ADAR: variants seen among roughly 807,000 people sequenced by gnomAD.
ADAR encodes double-stranded RNA-specific adenosine deaminase.
In ADAR, 41 loss-of-function variants were observed where a neutral mutation model predicts 113.2. The observed-to-expected ratio is 0.36, with a 90% CI of 0.28 to 0.47. The LOEUF (loss-of-function observed/expected upper bound fraction) is 0.47. Among genes scored for constraint, ADAR ranks in the 20% least tolerant of loss-of-function variants. The pLI, the probability that ADAR is intolerant of heterozygous loss-of-function variation, is 1.00. For synonymous variants in ADAR, 605 were observed against 572.6 expected (o/e 1.06, Z -0.81); for missense variants, 1,242 against 1,540.9 (o/e 0.81, Z 3.25).
At chr1:154,611,460 A>C (rs918705360), upstream of ADAR, among the ~76,000 whole-genome samples, 1 of 151,944 alleles carries the variant, frequency 6.6e-6, no homozygotes, top group Middle Eastern at 3.2e-3. Context: ...TGAGGTGATG[A>C]TGTCTTTTTT....
chr1:154,617,369 T>C (rs1289803717), intron 1 of ADAR, among the ~76,000 whole-genome samples: 2 of 152,194 alleles, frequency 1.3e-5, no homozygotes, highest in Non-Finnish European at 2.9e-5. Context: ...GTCTAGATTC[T>C]TACTTTAACA....
chr1:154,592,587 C>G (rs557901291), intron 6 of ADAR, among the ~76,000 whole-genome samples: 69 of 152,012 alleles, frequency 4.5e-4, no homozygotes, highest in African/African-American at 1.6e-3. Context: ...ACCAATAGGA[C>G]TTAAGGATGA....
At chr1:154,605,174 C>T (rs184259395) in intron 1 of ADAR, among the ~76,000 whole-genome samples, 1 of 152,290 alleles carries the variant, frequency 6.6e-6, no homozygotes, top group Non-Finnish European at 1.5e-5. Context: ...TCTTCCAGTT[C>T]CAGCCCCTCA....
At position 154,596,033 on chromosome 1, in the gene ADAR, C is replaced by T. The variant is rs565257028; in HGVS notation, c.2270+772G>A. On this transcript the variant is annotated intron_variant, in intron 6 of 14. Coordinates refer to ENST00000368474, the MANE Select transcript of ADAR (RefSeq NM_001111.5). ...GGTTTGTAGCCTAGGAGCAACCGGC[C>T]ATACCATACAGCCTGTACGTGTGTA... 8.5e-5 allele frequency among the ~76,000 whole-genome samples: 13 copies of T among 152,286 alleles called. No homozygotes were observed. The South Asian group carries it at 2.1e-3, about 24-fold the overall frequency.
chr1:154,608,232 TG>T, upstream of ADAR: 6 of 552,046 alleles, frequency 1.1e-5, no homozygotes, highest in South Asian at 1.5e-4. Context: ...CCGGAAAGTT[TG>T]GCCAAGAGGA....
chr1:154,601,909 A>G lies in ADAR; in HGVS notation c.733T>C (p.Phe245Leu). The change falls in exon 2 of 15, where the codon TTT (phenylalanine) becomes CTT (leucine). Residue 245 changes from phenylalanine to leucine, a missense_variant. By Grantham distance (22) the Phe-to-Leu change is conservative (BLOSUM62 0). Around this residue, in one of 2 missense-constraint regions of ADAR, gnomAD observed 462 missense variants for 483.1 expected, o/e 0.96. Coordinates refer to ENST00000368474, the MANE Select transcript of ADAR (RefSeq NM_001111.5). This position sits in a 1 kb window ranked among gnomAD's most constrained non-coding sequence, Gnocchi z 4.7. ...TSVSEDLLEP[F>L]IAVSAQAWNQ... ...CAAGCCTGAGCTGAGACTGCAATAA[A>G]AGGCTCAAGAAGATCTTCTGAGACA... The G allele has an allele frequency of 5.6e-6, 9 of 1,611,790 alleles. No homozygotes were observed. Among genetic ancestry groups the G allele is most frequent in the Non-Finnish European group, 7.6e-6 (9 of 1,179,464 alleles).
At position 154,582,826 on chromosome 1, in the gene ADAR, C is replaced by T. The variant is rs2101545856; in HGVS notation, c.*1980G>A. 6.6e-6 allele frequency: 1 copy of T among 152,346 alleles called. No individual in the cohort carries two copies. The highest frequency in any genetic ancestry group is 3.4e-3 in the Middle Eastern group (1 of 294). 9.4% of individuals were successfully genotyped at this position (152,346 alleles called of 1,614,324 possible). ...ACCTCTCTGCCCTGGATGTGGGTGC[C>T]AAGACTGATTTACTGTGCCCCCAGC... is the stretch of plus-strand genomic sequence containing the variant. On this transcript the variant is annotated 3_prime_UTR_variant, in exon 15 of 15. Coordinates refer to ENST00000368474, the MANE Select transcript of ADAR (RefSeq NM_001111.5).
chr1:154,588,744 C>A, intron 9 of ADAR, 71 bp from the exon 10 acceptor site: 2 of 1,595,598 alleles, frequency 1.3e-6, no homozygotes, highest in Non-Finnish European at 1.7e-6. Context: ...ATAATCTGAC[C>A]TCCAAATGAG....
chr1:154,606,593 ATCTTTCTT>A (rs1465092687), intron 1 of ADAR, among the ~76,000 whole-genome samples: 4 of 152,148 alleles, frequency 2.6e-5, no homozygotes, highest in Non-Finnish European at 4.4e-5. Context: ...GAGATTATTA[ATCTTTCTT>A]TTTGCCCCCC....
At position 154,589,384 on chromosome 1, in the gene ADAR, C is replaced by G. The variant is rs754785131; in HGVS notation, c.2747G>C (p.Arg916Pro). Reference sequence around the variant, plus strand: ...CCTCGCTCACCTGATGAAGCCTCTCCGGGAGATTATTTCTGCATGGCAGTC... The same window carrying G: ...CCTCGCTCACCTGATGAAGCCTCTCGGGGAGATTATTTCTGCATGGCAGTC... ...VNDCHAEIIS[R>P]RGFIRFLYSE... is the part of the protein sequence containing the mutation. Residue 916 changes from arginine to proline, a missense_variant, in exon 9 of 15, where the codon CGG becomes CCG. Physicochemically the swap from Arg to Pro is moderately radical, Grantham distance 103. This residue lies in a region of ADAR where 780 missense variants were observed against 1,057.9 expected (regional missense o/e 0.74). Coordinates refer to ENST00000368474, the MANE Select transcript of ADAR (RefSeq NM_001111.5). 1 of 1,614,146 alleles carries G rather than the reference C, an allele frequency of 6.2e-7. No homozygotes were observed. Among genetic ancestry groups the G allele is most frequent in the Non-Finnish European group, 8.5e-7 (1 of 1,180,000 alleles).
At chr1:154,614,480 C>A (rs1048887156) in intron 1 of ADAR, among the ~76,000 whole-genome samples, 2 of 152,242 alleles carry the variant, frequency 1.3e-5, no homozygotes, top group African/African-American at 2.4e-5. Context: ...CCCCTATCTC[C>A]ATGGCTTGTA....
chr1:154,590,140 G>GGCGC, intron 7 of ADAR, 44 bp downstream of exon 7: 1 of 1,373,188 alleles, frequency 7.3e-7, no homozygotes, highest in Non-Finnish European at 1.0e-6. Flanking sequence ...GAGTTAGGAG[G>GGCGC]ACCCCCCCGC....
chr1:154,599,999 C>G (rs1697758279), intron 2 of ADAR, among the ~76,000 whole-genome samples: 1 of 152,080 alleles, frequency 6.6e-6, no homozygotes, highest in Admixed American at 6.6e-5. Context: ...CAACCCACCC[C>G]CACTGTGTAT....
At chr1:154,598,325 G>C in intron 3 of ADAR, 77 bp downstream of exon 3, 1 of 1,490,860 alleles carries the variant, frequency 6.7e-7, no homozygotes, top group Admixed American at 1.7e-5. Context: ...TTTAGGCTGG[G>C]ATTGCCTCAA....
chr1:154,600,761 C>T (rs1193536069), intron 2 of ADAR: 6 of 491,378 alleles, frequency 1.2e-5, no homozygotes, highest in East Asian at 3.9e-5. Context: ...CATGAGCCAC[C>T]GCGTACGGCC....
intron 1 of ADAR, among the ~76,000 whole-genome samples, chr1:154,605,360 G>A (rs1257356144): frequency 6.6e-6 from 1 of 151,924 alleles, no homozygotes; most frequent in African/African-American, 2.4e-5. Flanking sequence ...TTCAGCCCTT[G>A]GGGTTTCCTC....
At chr1:154,625,914 G>A (rs1698919689) in intron 1 of ADAR, among the ~76,000 whole-genome samples, 1 of 148,938 alleles carries the variant, frequency 6.7e-6, no homozygotes, top group South Asian at 2.1e-4. Context: ...TGAGGAGGGA[G>A]ACTCACTTGA....
chr1:154,590,779 T>C (rs1406380361), intron 6 of ADAR, among the ~76,000 whole-genome samples: 1 of 86,060 alleles, frequency 1.2e-5, no homozygotes, highest in Admixed American at 1.5e-4. Flanking sequence ...GCGAGACCCC[T>C]GTCTCTTAAA....
At chr1:154,615,794 AT>A (rs1396525271) in intron 1 of ADAR, among the ~76,000 whole-genome samples, 1 of 152,080 alleles carries the variant, frequency 6.6e-6, no homozygotes, top group African/African-American at 2.4e-5. Flanking sequence ...ATCTGATTTT[AT>A]TTTTTTCTAG....
Sources: allele counts gnomAD v4.1 joint callset (sites outside exome capture counted in the v4.1 genomes callset), GRCh38; gene constraint gnomAD v4.1.1; regional missense constraint gnomAD v4.1.1; non-coding constraint Gnocchi (gnomAD v3.1); transcripts MANE v1.5; gene names NCBI Gene and HGNC (gene_info 2026-07-23, HGNC 2026-07-21).